MMP16: variants seen among roughly 807,000 people sequenced by gnomAD.
MMP16 encodes the protein matrix metallopeptidase 16.
In MMP16, 12 loss-of-function variants were observed where a neutral mutation model predicts 67.8. That is an observed-to-expected ratio of 0.18 (90% confidence interval 0.11 to 0.29). MMP16 has a LOEUF of 0.29. MMP16 is among the 10% of genes least tolerant of loss of function. MMP16 has a pLI of 1.00. For synonymous variants in MMP16, 249 were observed against 255.9 expected (o/e 0.97, Z 0.26); for missense variants, 475 against 765.7 (o/e 0.62, Z 4.48).
At chr8:88,234,511 C>T (rs1474774006) in intron 1 of MMP16, among the ~76,000 whole-genome samples, 1 of 152,176 alleles carries the variant, frequency 6.6e-6, no homozygotes, top group East Asian at 1.9e-4. Flanking sequence ...TGGGTCCCCC[C>T]AGAAATTATT....
intron 3 of MMP16, among the ~76,000 whole-genome samples, chr8:88,168,509 A>G (rs1234072645): frequency 2.6e-5 from 4 of 152,202 alleles, no homozygotes; most frequent in East Asian, 3.9e-4. Context: ...TTATTAATTC[A>G]TTCTAGTTAA....
At chr8:88,226,915 C>T (rs1023215831) in intron 1 of MMP16, among the ~76,000 whole-genome samples, 16 of 148,294 alleles carry the variant, frequency 1.1e-4, no homozygotes, top group Admixed American at 1.3e-4. Context: ...TATTTATTCT[C>T]TCGGAAATCA....
intron 6 of MMP16, among the ~76,000 whole-genome samples, chr8:88,092,389 G>A (rs955999458): frequency 6.6e-6 from 1 of 151,740 alleles, no homozygotes; most frequent in East Asian, 1.9e-4. Flanking sequence ...AAGATCCTTC[G>A]GAAACTACAG....
intron 6 of MMP16, among the ~76,000 whole-genome samples, chr8:88,111,439 G>A (rs1179729234): frequency 6.6e-6 from 1 of 151,648 alleles, no homozygotes. Flanking sequence ...ACAGGGAAAG[G>A]CCTGTAGAGC....
chr8:88,053,681 T>C (rs1808297379), intron 8 of MMP16, among the ~76,000 whole-genome samples: 1 of 152,176 alleles, frequency 6.6e-6, no homozygotes, highest in Non-Finnish European at 1.5e-5. Context: ...TTTAATGTCT[T>C]TTCCGTCTAA....
chr8:88,161,273 T>G (rs996424990), intron 4 of MMP16, among the ~76,000 whole-genome samples: 1 of 152,200 alleles, frequency 6.6e-6, no homozygotes, highest in Non-Finnish European at 1.5e-5. Flanking sequence ...GGTTTAGTCT[T>G]GGGACGGTGT....
At chr8:88,181,248 G>A (rs1161435615) in intron 3 of MMP16, among the ~76,000 whole-genome samples, 1 of 151,922 alleles carries the variant, frequency 6.6e-6, no homozygotes, top group Non-Finnish European at 1.5e-5. Flanking sequence ...ACATACAACT[G>A]TCTTTGTTTA....
chr8:88,067,586 C>A (rs965407654), intron 7 of MMP16, among the ~76,000 whole-genome samples: 4 of 152,140 alleles, frequency 2.6e-5, no homozygotes, highest in African/African-American at 4.8e-5. Context: ...CAACTCTTGC[C>A]TGTCCCCAGG....
intron 1 of MMP16, among the ~76,000 whole-genome samples, chr8:88,310,371 G>T (rs1429049073): frequency 1.3e-5 from 2 of 151,986 alleles, no homozygotes; most frequent in East Asian, 3.8e-4. Context: ...AGATAAATAT[G>T]ACCCTTGATT....
At chr8:88,323,523 C>T (rs1255567653) in intron 1 of MMP16, among the ~76,000 whole-genome samples, 1 of 151,956 alleles carries the variant, frequency 6.6e-6, no homozygotes, top group Non-Finnish European at 1.5e-5. Context: ...CTTATCAAGA[C>T]TTTTTTTGTC....
chr8:88,066,964 AT>A (rs370857157), intron 7 of MMP16, among the ~76,000 whole-genome samples: 1 of 152,038 alleles, frequency 6.6e-6, no homozygotes, highest in Admixed American at 6.6e-5. Context: ...GGGCATCAAA[AT>A]TTTTTTGGTA....
chr8:88,239,409 A>G (rs545028112), intron 1 of MMP16, among the ~76,000 whole-genome samples: 9 of 152,134 alleles, frequency 5.9e-5, no homozygotes, highest in Non-Finnish European at 1.0e-4. Context: ...CGAGTGAAAT[A>G]AATATGAATC....
chr8:88,248,943 A>T (rs567548030), intron 1 of MMP16, among the ~76,000 whole-genome samples: 1 of 152,184 alleles, frequency 6.6e-6, no homozygotes, highest in East Asian at 1.9e-4. Context: ...GTTTTAGAGA[A>T]AATCTCTTAC....
At chr8:88,078,707 C>CA (rs1808694589) in intron 6 of MMP16, among the ~76,000 whole-genome samples, 1 of 152,034 alleles carries the variant, frequency 6.6e-6, no homozygotes, top group Non-Finnish European at 1.5e-5. Flanking sequence ...AAACAAAAAA[C>CA]AAAAAAACCT....
intron 1 of MMP16, among the ~76,000 whole-genome samples, chr8:88,315,614 G>A (rs186967738): frequency 6.6e-6 from 1 of 152,264 alleles, no homozygotes; most frequent in Non-Finnish European, 1.5e-5. Flanking sequence ...AAATGTGTGT[G>A]TGTTCTGACT....
chr8:88,182,015 C>G (rs1408577057), intron 3 of MMP16, among the ~76,000 whole-genome samples: 2 of 152,000 alleles, frequency 1.3e-5, no homozygotes, highest in African/African-American at 4.8e-5. Context: ...CAAAAGAAAT[C>G]AGAGACCCAA....
At position 88,035,617 on chromosome 8, in the gene MMP16, T is replaced by C. The variant is rs1330286209; in HGVS notation, c.*5844A>G. On this transcript the variant is annotated 3_prime_UTR_variant, in exon 10 of 10. Coordinates refer to ENST00000286614, the MANE Select transcript of MMP16 (RefSeq NM_005941.5). This position sits in a 1 kb window ranked among gnomAD's most constrained non-coding sequence, Gnocchi z 4.7. ...CCGTTATAACACTAAGCTTCTGTGATCTTATATCCTTACTTAGTATAAATA... is the reference window on the plus strand; with the variant it reads ...CCGTTATAACACTAAGCTTCTGTGACCTTATATCCTTACTTAGTATAAATA... The C allele has an allele frequency of 6.6e-6, 1 of 152,036 alleles. No individual in the cohort carries two copies. Among genetic ancestry groups the C allele is most frequent in the African/African-American group, 2.4e-5 (1 of 41,436 alleles). The allele number at this position is 152,036 out of a possible 1,614,324, so 9.4% of individuals were successfully genotyped here.
At chr8:88,156,009 T>C (rs1213142513) in intron 4 of MMP16, among the ~76,000 whole-genome samples, 2 of 152,140 alleles carry the variant, frequency 1.3e-5, no homozygotes, top group African/African-American at 4.8e-5. Flanking sequence ...ATTTTACAAA[T>C]TTGTTATGAG....
At chr8:88,120,723 GA>G (rs755397207) in intron 4 of MMP16, among the ~76,000 whole-genome samples, 1 of 151,938 alleles carries the variant, frequency 6.6e-6, no homozygotes, top group Non-Finnish European at 1.5e-5. Context: ...TCAGTCAGAA[GA>G]CAGTGCTGAC....
Sources: gnomAD v4.1 joint callset for allele counts (sites outside exome capture counted in the v4.1 genomes callset) on GRCh38, gnomAD v4.1.1 for gene constraint, Gnocchi (gnomAD v3.1) non-coding constraint, MANE v1.5 for transcripts, NCBI Gene and HGNC (gene_info 2026-07-23, HGNC 2026-07-21) for gene names.